RSPO1: variants seen among roughly 807,000 people sequenced by gnomAD.
The protein encoded by RSPO1 is R-spondin-1.
A neutral mutation model predicts 26.0 loss-of-function variants in RSPO1; 18 were observed. That is an observed-to-expected ratio of 0.69 (90% CI 0.48 to 1.03). The LOEUF (loss-of-function observed/expected upper bound fraction) is 1.03, where lower values mean the gene tolerates loss of function less well. Among genes scored for constraint, RSPO1 ranks in the 50% least tolerant of loss-of-function variants. RSPO1 has a pLI of 0.00. For synonymous variants in RSPO1, 133 were observed against 137.4 expected, an observed-to-expected ratio of 0.97 and a Z score of 0.22; for missense variants, 309 against 352.3, an observed-to-expected ratio of 0.88 and a Z score of 0.98.
In RSPO1 at chr1:37,613,773, C is replaced by A; in HGVS notation, c.556G>T (p.Asp186Tyr). Residue 186 changes from aspartate (D) to tyrosine (Y), a missense_variant, in exon 6 of 7, where the codon GAC (aspartate) becomes TAC (tyrosine). Transcript: ENST00000356545. This position sits in a 1 kb window ranked among gnomAD's most constrained non-coding sequence, Gnocchi z 4.5. ...TTGGTGTCAGAGCAGGCAGCATGGTCCCCCACAGGGGCATGTAGCACCCTG... is the reference window on the plus strand; with the variant it reads ...TTGGTGTCAGAGCAGGCAGCATGGTACCCCACAGGGGCATGTAGCACCCTG... ...TRRVLHAPVG[D>Y]HAACSDTKET... The A allele has an allele frequency of 6.2e-7, 1 of 1,613,984 alleles. No homozygotes were observed. Among genetic ancestry groups the A allele is most frequent in the Non-Finnish European group, 8.5e-7 (1 of 1,179,976 alleles).
chr1:37,626,292 T>C (rs4548403), intron 3 of RSPO1, among the ~76,000 whole-genome samples: 113,449 of 152,014 alleles, frequency 0.75, 42,540 homozygotes, highest in Admixed American at 0.82. Context: ...GCTTGTTTAG[T>C]GGCAAAACAC....
chr1:37,619,497 C>T (rs950786465), intron 3 of RSPO1, among the ~76,000 whole-genome samples: 1 of 152,216 alleles, frequency 6.6e-6, no homozygotes, highest in East Asian at 1.9e-4. Flanking sequence ...CTGCAGGAAT[C>T]ATTCCTGGTT....
chr1:37,626,667 A>G (rs964457003), intron 3 of RSPO1, among the ~76,000 whole-genome samples: 17 of 152,098 alleles, frequency 1.1e-4, no homozygotes, highest in Non-Finnish European at 1.9e-4. Flanking sequence ...GCAGGGGTAG[A>G]GGCTCCAGAT....
chr1:37,622,164 G>A (rs1232257424), intron 3 of RSPO1, among the ~76,000 whole-genome samples: 1 of 152,180 alleles, frequency 6.6e-6, no homozygotes, highest in African/African-American at 2.4e-5. Flanking sequence ...AGCATCATGG[G>A]AGCCCAGAGA....
chr1:37,633,257 G>GGAGGGCGGGGCAAC (rs1644385309), intron 1 of RSPO1, among the ~76,000 whole-genome samples: 1 of 152,282 alleles, frequency 6.6e-6, no homozygotes, highest in African/African-American at 2.4e-5. Flanking sequence ...CTGGGTGTGG[G>GGAGGGCGGGGCAAC]GAGGGCGGGG....
At chr1:37,628,552 C>T (rs993398602) in intron 3 of RSPO1, among the ~76,000 whole-genome samples, 14 of 152,226 alleles carry the variant, frequency 9.2e-5, no homozygotes, top group Non-Finnish European at 1.9e-4. Flanking sequence ...GTGGCATCTT[C>T]TCATGCGGGA....
At position 37,616,553 on chromosome 1, in the gene RSPO1, C is replaced by G. The variant is rs771502232; in HGVS notation, c.217G>C (p.Gly73Arg). 6.2e-7 allele frequency: 1 copy of G among 1,614,184 alleles called. No homozygotes were observed. The highest frequency in any genetic ancestry group is 8.5e-7 in the Non-Finnish European group (1 of 1,180,040). Residue 73 changes from glycine to arginine, a missense_variant, in exon 4 of 7, where the codon GGC (glycine) becomes CGC (arginine). Gly to Arg is a moderately radical substitution (Grantham distance 125). Coordinates refer to ENST00000356545, the MANE Select transcript of RSPO1 (RefSeq NM_001242908.2). ...LLERNDIRQV[G>R]VCLPSCPPGY... is the part of the protein sequence containing the mutation. The stretch of plus-strand genomic sequence containing the variant: ...GGTGGGCAGGACGGCAAGCAGACGC[C>G]CACCTGGCGGATGTCGTTCCTCTCC...
At position 37,612,812 on chromosome 1, in the gene RSPO1, C is replaced by T; in HGVS notation, c.735G>A (p.Gln245=). Residue 245 remains glutamine, a synonymous_variant, in exon 7 of 7, where the codon CAG becomes CAA. Coordinates refer to ENST00000356545, the MANE Select transcript of RSPO1 (RefSeq NM_001242908.2). Reference sequence around the variant, plus strand: ...CTGTCCCTTGCTGCTGCTGCTGTTGCTGCCCCTTGCGTCTTCGAGAGCCAG... The same window carrying T: ...CTGTCCCTTGCTGCTGCTGCTGTTGTTGCCCCTTGCGTCTTCGAGAGCCAG... The part of the protein sequence containing the change: ...AGAGSRRRKG[Q]QQQQQQGTVG... 6.2e-7 allele frequency: 1 copy of T among 1,613,370 alleles called. No homozygotes were observed. Among genetic ancestry groups the T allele is most frequent in the Non-Finnish European group, 8.5e-7 (1 of 1,180,038 alleles).
intron 3 of RSPO1, among the ~76,000 whole-genome samples, chr1:37,625,512 G>A (rs1389667885): frequency 6.6e-6 from 1 of 152,078 alleles, no homozygotes; most frequent in African/African-American, 2.4e-5. Flanking sequence ...CAGTTGGCGA[G>A]GGTAGGAGGA....
intron 3 of RSPO1, among the ~76,000 whole-genome samples, chr1:37,624,347 G>A (rs1282172336): frequency 6.6e-6 from 1 of 152,174 alleles, no homozygotes; most frequent in Non-Finnish European, 1.5e-5. Context: ...GCCTTGCAGG[G>A]CTGTAAGCCT....
chr1:37,621,756 C>A (rs1051108460), intron 3 of RSPO1, among the ~76,000 whole-genome samples: 2 of 151,532 alleles, frequency 1.3e-5, no homozygotes, highest in African/African-American at 4.9e-5. Context: ...GATTGAGACG[C>A]TGAGTTCTTT....
At position 37,629,770 on chromosome 1, in the gene RSPO1, A is replaced by T; in HGVS notation, c.-109T>A. On this transcript the variant is annotated 5_prime_UTR_variant, in exon 3 of 7. Coordinates refer to ENST00000356545, the MANE Select transcript of RSPO1 (RefSeq NM_001242908.2). ...GGGCTGGGTCAGCAGCAGGAGGCCC[A>T]GGCCTGGGCCGTAGCCCAAATCCAC... 1 of 1,556,236 alleles carries T rather than the reference A, an allele frequency of 6.4e-7. No homozygotes were observed. The highest frequency in any genetic ancestry group is 8.7e-7 in the Non-Finnish European group (1 of 1,149,534).
intron 3 of RSPO1, among the ~76,000 whole-genome samples, chr1:37,622,807 T>G (rs1160537021): frequency 6.6e-6 from 1 of 151,934 alleles, no homozygotes; most frequent in Non-Finnish European, 1.5e-5. Flanking sequence ...AAGGGCAGTT[T>G]TGGTGGAGAG....
chr1:37,620,899 A>G (rs184235372), intron 3 of RSPO1, among the ~76,000 whole-genome samples: 1 of 152,258 alleles, frequency 6.6e-6, no homozygotes, highest in Admixed American at 6.5e-5. Context: ...GTTGACATGA[A>G]TGCGCCCTCT....
Position 37,613,774 on chromosome 1 carries a change from C to T in RSPO1, c.555G>A (p.Gly185=), listed in dbSNP as rs1404870211. ...TGGTGTCAGAGCAGGCAGCATGGTC[C>T]CCCACAGGGGCATGTAGCACCCTGC... ...RTRRVLHAPV[G]DHAACSDTKE... Residue 185 remains glycine, a synonymous_variant, in exon 6 of 7, where the codon GGG becomes GGA. Transcript: ENST00000356545. The surrounding 1 kb of genome is among the most constrained non-coding windows in gnomAD (Gnocchi z 4.5). 6.2e-7 allele frequency: 1 copy of T among 1,613,900 alleles called. No homozygotes were observed. Among genetic ancestry groups the T allele is most frequent in the Non-Finnish European group, 8.5e-7 (1 of 1,180,020 alleles).
Position 37,613,261 on chromosome 1 carries a change from G to T in RSPO1, c.626-340C>A, listed in dbSNP as rs1325369960. ...GGTATTCAGTGCAACTCTCAGAACA[G>T]GCAGGACTGCCCCCATCCCCTATCC... On this transcript the variant is annotated intron_variant, in intron 6 of 6. Coordinates refer to ENST00000356545, the MANE Select transcript of RSPO1 (RefSeq NM_001242908.2). The surrounding 1 kb of genome is among the most constrained non-coding windows in gnomAD (Gnocchi z 4.5). Among the ~76,000 whole-genome samples the T allele has an allele frequency of 1.3e-5, 2 of 152,196 alleles. 1 individual carries two copies.
Position 37,612,331 on chromosome 1 carries a change from A to G in RSPO1, c.*424T>C, listed in dbSNP as rs1644036219. ...CCAGCAGTCCTCAAGCTTGGCTCCC[A>G]TCTGCCACAGTGGCTGGTCCGATCC... On this transcript the variant is annotated 3_prime_UTR_variant, in exon 7 of 7. Coordinates refer to ENST00000356545, the MANE Select transcript of RSPO1 (RefSeq NM_001242908.2). The G allele has an allele frequency of 4.5e-6, 1 of 224,442 alleles. No homozygotes were observed. The highest frequency in any genetic ancestry group is 2.2e-5 in the African/African-American group (1 of 44,818). 13.9% of individuals were successfully genotyped at this position (224,442 alleles called of 1,614,324 possible).
chr1:37,614,472 C>A, intron 4 of RSPO1, 139 bp from the exon 5 acceptor site: 1 of 929,140 alleles, frequency 1.1e-6, no homozygotes, highest in Non-Finnish European at 1.7e-6. Flanking sequence ...GCAGGTACTG[C>A]AGAGGAATCT....
chr1:37,611,665 C>G lies in RSPO1; in HGVS notation c.*1090G>C, dbSNP rs1423428606. 1.3e-5 allele frequency: 2 copies of G among 153,266 alleles called. No individual in the cohort carries two copies. Among genetic ancestry groups the G allele is most frequent in the Admixed American group, 1.3e-4 (2 of 15,296 alleles). 9.5% of individuals were successfully genotyped at this position (153,266 alleles called of 1,614,324 possible). A position where few individuals can be genotyped will look rare whatever the true frequency, so the allele number is the denominator to read the frequency against. ...CCAACCATCACTGGAAGCCTACGCACTCCCTTCCCCTGGCAGTGCCACTAG... is the reference window on the plus strand; with the variant it reads ...CCAACCATCACTGGAAGCCTACGCAGTCCCTTCCCCTGGCAGTGCCACTAG... On this transcript the variant is annotated 3_prime_UTR_variant, in exon 7 of 7. Coordinates refer to ENST00000356545, the MANE Select transcript of RSPO1 (RefSeq NM_001242908.2).
Sources: allele counts gnomAD v4.1 joint callset (sites outside exome capture counted in the v4.1 genomes callset), GRCh38; gene constraint gnomAD v4.1.1; non-coding constraint Gnocchi (gnomAD v3.1); transcripts MANE v1.5; gene names NCBI Gene and HGNC (gene_info 2026-07-23, HGNC 2026-07-21).